EEFSEC: variants seen among roughly 807,000 people sequenced by gnomAD.
EEFSEC encodes eukaryotic elongation factor, selenocysteine-tRNA specific.
Under a neutral mutation model 42.1 loss-of-function variants are expected in EEFSEC, and 43 were observed. That is an observed-to-expected ratio of 1.02 (90% CI 0.80 to 1.32). The LOEUF is 1.32. EEFSEC is among the 40% of genes most tolerant of loss of function. EEFSEC has a pLI of 0.00. For missense variants in EEFSEC, 745 were observed against 803.6 expected (o/e 0.93, Z 0.88); for synonymous variants, 354 against 339.1 (o/e 1.04, Z -0.48).
At chr3:128,181,516 A>T (rs1157073883) in intron 1 of EEFSEC, among the ~76,000 whole-genome samples, 1 of 152,216 alleles carries the variant, frequency 6.6e-6, no homozygotes, top group African/African-American at 2.4e-5. Flanking sequence ...ACAAAAACAA[A>T]AGAGAAGCGG....
At chr3:128,270,081 G>T (rs2066398472) in intron 4 of EEFSEC, among the ~76,000 whole-genome samples, 1 of 152,218 alleles carries the variant, frequency 6.6e-6, no homozygotes, top group South Asian at 2.1e-4. Context: ...TGACCACTGT[G>T]TGCTTGGCTC....
intron 1 of EEFSEC, among the ~76,000 whole-genome samples, chr3:128,225,368 C>T (rs2065898439): frequency 6.6e-6 from 1 of 152,154 alleles, no homozygotes; most frequent in African/African-American, 2.4e-5. Flanking sequence ...GTGCCAAGGC[C>T]CCCTACAATG....
chr3:128,169,006 T>C (rs2107772920), intron 1 of EEFSEC, among the ~76,000 whole-genome samples: 1 of 152,316 alleles, frequency 6.6e-6, no homozygotes, highest in Non-Finnish European at 1.5e-5. Context: ...TTTCTAGTGG[T>C]CAACAAAGCA....
Position 128,308,715 on chromosome 3 carries a change from T to C in EEFSEC, c.787-32518T>C, listed in dbSNP as rs1408392947. Among the ~76,000 whole-genome samples the C allele has an allele frequency of 2.6e-5, 4 of 152,198 alleles. No individual in the cohort carries two copies. The East Asian group carries it at 7.7e-4, about 29-fold the overall frequency. On this transcript the variant is annotated intron_variant, in intron 4 of 6. Transcript: ENST00000254730. ...CAAATGGGTGACTTGGGCCCTTCTGTTCCTGCCCCTCCTCACACCTATGGC... is the reference window on the plus strand; with the variant it reads ...CAAATGGGTGACTTGGGCCCTTCTGCTCCTGCCCCTCCTCACACCTATGGC...
intron 1 of EEFSEC, among the ~76,000 whole-genome samples, chr3:128,156,000 A>G (rs1478515317): frequency 6.6e-6 from 1 of 152,210 alleles, no homozygotes; most frequent in Non-Finnish European, 1.5e-5. Flanking sequence ...ATCAAAGTAC[A>G]TTTTAGAACA....
intron 6 of EEFSEC, among the ~76,000 whole-genome samples, chr3:128,399,347 G>A (rs973784071): frequency 1.3e-5 from 2 of 152,172 alleles, no homozygotes; most frequent in African/African-American, 2.4e-5. Flanking sequence ...GGTTGCCTAC[G>A]CTTCCGCCCA....
At chr3:128,187,218 C>G (rs1454752592) in intron 1 of EEFSEC, among the ~76,000 whole-genome samples, 1 of 152,102 alleles carries the variant, frequency 6.6e-6, no homozygotes, top group Admixed American at 6.5e-5. Context: ...GCCTCCAGCC[C>G]CATTGATATT....
intron 2 of EEFSEC, among the ~76,000 whole-genome samples, chr3:128,251,682 A>G (rs890019429): frequency 9.2e-5 from 14 of 152,146 alleles, no homozygotes; most frequent in African/African-American, 3.4e-4. Flanking sequence ...GTTTAATATT[A>G]GTAAAGATAT....
At chr3:128,370,689 C>G (rs1436176092) in intron 6 of EEFSEC, among the ~76,000 whole-genome samples, 1 of 152,266 alleles carries the variant, frequency 6.6e-6, no homozygotes, top group Non-Finnish European at 1.5e-5. Flanking sequence ...GCCCCTCTCC[C>G]TGTGACCAGC....
intron 1 of EEFSEC, among the ~76,000 whole-genome samples, chr3:128,173,460 A>G (rs571524389): frequency 2.1e-4 from 32 of 152,312 alleles, no homozygotes; most frequent in Non-Finnish European, 3.5e-4. Context: ...GAATTCCTGC[A>G]ATGAACGACG....
intron 1 of EEFSEC, among the ~76,000 whole-genome samples, chr3:128,169,768 A>C (rs1192111241): frequency 6.6e-6 from 1 of 152,214 alleles, no homozygotes; most frequent in Non-Finnish European, 1.5e-5. Context: ...CTCAAGAATT[A>C]GACATCAGAG....
At chr3:128,351,563 C>G (rs1408452405) in intron 5 of EEFSEC, among the ~76,000 whole-genome samples, 1 of 152,228 alleles carries the variant, frequency 6.6e-6, no homozygotes, top group Non-Finnish European at 1.5e-5. Flanking sequence ...GCACGTTTGC[C>G]TGCCTTCCTT....
chr3:128,182,707 A>G (rs1239553656), intron 1 of EEFSEC, among the ~76,000 whole-genome samples: 1 of 152,198 alleles, frequency 6.6e-6, no homozygotes, highest in African/African-American at 2.4e-5. Context: ...TCCTAGAGAC[A>G]GTGCCTGCTG....
chr3:128,299,374 A>G (rs2066742245), intron 4 of EEFSEC, among the ~76,000 whole-genome samples: 1 of 152,222 alleles, frequency 6.6e-6, no homozygotes, highest in Non-Finnish European at 1.5e-5. Flanking sequence ...CTTCCTTTAG[A>G]GAAATTTATT....
In EEFSEC at chr3:128,317,872, G is replaced by T. The variant is rs902805479; in HGVS notation, c.787-23361G>T. On this transcript the variant is annotated intron_variant, in intron 4 of 6. Coordinates refer to ENST00000254730, the MANE Select transcript of EEFSEC (RefSeq NM_021937.5). This position sits in a 1 kb window ranked among gnomAD's most constrained non-coding sequence, Gnocchi z 4.1. ...CCCTCCTCTCTGAGGTTTCCTCCCA[G>T]TTCCCTGCCAGGTGGTAACCATGGT... 6.6e-6 allele frequency among the ~76,000 whole-genome samples: 1 copy of T among 152,222 alleles called. No individual in the cohort carries two copies. Among genetic ancestry groups the T allele is most frequent in the Non-Finnish European group, 1.5e-5 (1 of 68,040 alleles).
At chr3:128,336,083 C>T (rs1255710558) in intron 4 of EEFSEC, among the ~76,000 whole-genome samples, 1 of 152,156 alleles carries the variant, frequency 6.6e-6, no homozygotes, top group African/African-American at 2.4e-5. Flanking sequence ...ACGTCTGTGT[C>T]TCTCTGGCAG....
At chr3:128,234,778 C>T (rs2065991333) in intron 1 of EEFSEC, among the ~76,000 whole-genome samples, 1 of 152,158 alleles carries the variant, frequency 6.6e-6, no homozygotes, top group South Asian at 2.1e-4. Flanking sequence ...TTGATGTGTG[C>T]ACAGATATGG....
chr3:128,327,257 A>G (rs917526164), intron 4 of EEFSEC, among the ~76,000 whole-genome samples: 18 of 151,458 alleles, frequency 1.2e-4, no homozygotes, highest in African/African-American at 4.4e-4. Context: ...ACTCTGCCTC[A>G]GACCTGCCCT....
chr3:128,395,977 G>A (rs1275499151), intron 6 of EEFSEC, among the ~76,000 whole-genome samples: 1 of 152,196 alleles, frequency 6.6e-6, no homozygotes, highest in Non-Finnish European at 1.5e-5. Context: ...CCAAACCCCA[G>A]CCATGAGCAC....
Sources: gnomAD v4.1 joint callset for allele counts (sites outside exome capture counted in the v4.1 genomes callset) on GRCh38, gnomAD v4.1.1 for gene constraint, Gnocchi (gnomAD v3.1) non-coding constraint, MANE v1.5 for transcripts, NCBI Gene and HGNC (gene_info 2026-07-23, HGNC 2026-07-21) for gene names.